FBN1: variants seen among roughly 807,000 people sequenced by gnomAD.
FBN1 encodes the protein fibrillin-1.
Under a neutral mutation model 365.1 loss-of-function variants are expected in FBN1, and 29 were observed. The observed-to-expected ratio is 0.08, with a 90% CI of 0.06 to 0.11. FBN1 has a LOEUF of 0.11. FBN1 is among the 10% of genes least tolerant of loss of function. FBN1 has a pLI of 1.00. For synonymous variants in FBN1, 1,210 were observed against 1,270.5 expected (o/e 0.95, Z 1.01); for missense variants, 2,476 against 3,703.2 (o/e 0.67, Z 8.60).
intron 43 of FBN1, among the ~76,000 whole-genome samples, 196 bp from the exon 44 acceptor site, chr15:48,456,958 G>A (rs1208277610): frequency 6.6e-6 from 1 of 151,982 alleles, no homozygotes; most frequent in Non-Finnish European, 1.5e-5. Flanking sequence ...CCAGACATGA[G>A]TCTAACTGGA....
intron 45 of FBN1, 140 bp from the exon 46 acceptor site, chr15:48,449,033 T>A: frequency 1.4e-6 from 1 of 736,252 alleles, no homozygotes; most frequent in Non-Finnish European, 2.3e-6. Context: ...TGCATCAAAA[T>A]GGATTAAAAC....
At chr15:48,585,419 G>A (rs545810911) in intron 6 of FBN1, among the ~76,000 whole-genome samples, 6 of 152,026 alleles carry the variant, frequency 3.9e-5, no homozygotes, top group African/African-American at 7.2e-5. Flanking sequence ...TTTTTCATGC[G>A]TTCACTTCCT....
chr15:48,582,415 T>C (rs2140688984), intron 6 of FBN1, among the ~76,000 whole-genome samples: 1 of 152,322 alleles, frequency 6.6e-6, no homozygotes, highest in South Asian at 2.1e-4. Context: ...ATATTTGCTG[T>C]TTAATTTTCA....
intron 6 of FBN1, among the ~76,000 whole-genome samples, chr15:48,580,386 C>T (rs1265850356): frequency 6.6e-6 from 1 of 152,146 alleles, no homozygotes; most frequent in Non-Finnish European, 1.5e-5. Context: ...TCCACCTCTC[C>T]TTAGAAACTC....
At chr15:48,532,294 G>C (rs1209539370) in intron 8 of FBN1, among the ~76,000 whole-genome samples, 2 of 152,182 alleles carry the variant, frequency 1.3e-5, no homozygotes, top group Non-Finnish European at 2.9e-5. Context: ...TCTTGAAGCT[G>C]ATTATATATT....
At chr15:48,593,124 T>C (rs774072468) in intron 6 of FBN1, among the ~76,000 whole-genome samples, 1 of 152,222 alleles carries the variant, frequency 6.6e-6, no homozygotes, top group Admixed American at 6.5e-5. Flanking sequence ...GCATGAGATC[T>C]GCTGCTTCTC....
At chr15:48,586,582 G>A (rs1244593390) in intron 6 of FBN1, among the ~76,000 whole-genome samples, 1 of 152,170 alleles carries the variant, frequency 6.6e-6, no homozygotes, top group Non-Finnish European at 1.5e-5. Context: ...GGTATTTAAT[G>A]GGATAGTCCA....
At chr15:48,513,406 T>C (rs576903443) in intron 13 of FBN1, 143 bp downstream of exon 13, 4 of 1,072,240 alleles carry the variant, frequency 3.7e-6, no homozygotes, top group African/African-American at 3.1e-5. Context: ...AGAATGACAA[T>C]AGGTGGAACT....
At chr15:48,462,979 T>A in intron 42 of FBN1, 103 bp downstream of exon 42, 1 of 1,189,582 alleles carries the variant, frequency 8.4e-7, no homozygotes, top group East Asian at 2.3e-5. Flanking sequence ...CCTGTAAAGA[T>A]AAACAATGCA....
intron 6 of FBN1, among the ~76,000 whole-genome samples, chr15:48,572,501 A>C (rs2044313982): frequency 1.3e-5 from 2 of 151,946 alleles, no homozygotes; most frequent in South Asian, 4.1e-4. Flanking sequence ...TTAAGAAATA[A>C]GCAACAATTT....
chr15:48,571,509 T>C (rs193099245), intron 6 of FBN1, among the ~76,000 whole-genome samples: 2 of 152,150 alleles, frequency 1.3e-5, no homozygotes, highest in South Asian at 2.1e-4. Context: ...TGTACACTAA[T>C]ACAAATTTAA....
chr15:48,466,991 T>C (rs1173427328), intron 38 of FBN1, among the ~76,000 whole-genome samples: 1 of 152,112 alleles, frequency 6.6e-6, no homozygotes, highest in African/African-American at 2.4e-5. Flanking sequence ...ACCCCTGTGC[T>C]GGGTGCTCTG....
At chr15:48,614,023 A>G (rs1304995305) in intron 2 of FBN1, among the ~76,000 whole-genome samples, 1 of 152,212 alleles carries the variant, frequency 6.6e-6, no homozygotes, top group Non-Finnish European at 1.5e-5. Flanking sequence ...ACAGTTCATC[A>G]CATGTCTTGG....
chr15:48,521,755 G>A (rs1279680103), intron 9 of FBN1, among the ~76,000 whole-genome samples: 1 of 152,226 alleles, frequency 6.6e-6, no homozygotes, highest in Non-Finnish European at 1.5e-5. Context: ...GACATGTGCT[G>A]AGGGTGTACC....
Position 48,505,026 on chromosome 15 carries a change from A to G in FBN1, c.1959T>C (p.Val653=). 6.2e-7 allele frequency: 1 copy of G among 1,614,118 alleles called. No homozygotes were observed. The highest frequency in any genetic ancestry group is 8.5e-7 in the Non-Finnish European group (1 of 1,179,998). Residue 653 remains valine, a splice_region_variant and synonymous_variant, in exon 16 of 66, where the codon GTT becomes GTC. Coordinates refer to ENST00000316623, the MANE Select transcript of FBN1 (RefSeq NM_000138.5). ...LAVGLDGRVC[V]DTHMRSTCYG... ...AGGTTAGCCATGATGTTTTCTTACC[A>G]ACACACACACGGCCATCCAGACCCA...
At chr15:48,428,046 C>A in intron 57 of FBN1, 1 of 660,574 alleles carries the variant, frequency 1.5e-6, no homozygotes, top group South Asian at 1.6e-5. Context: ...AATAGCCATG[C>A]TTACAGACAG....
At chr15:48,503,992 C>T (rs1180496999) in intron 16 of FBN1, 53 bp from the exon 17 acceptor site, 2 of 1,606,438 alleles carry the variant, frequency 1.2e-6, no homozygotes, top group Non-Finnish European at 1.7e-6. Flanking sequence ...CAGATGAGAA[C>T]CCCCCAAGTC....
At position 48,644,691 on chromosome 15, in the gene FBN1, C is replaced by T. The variant is rs25397; in HGVS notation, c.79G>A (p.Ala27Thr). ...LASYTSHGADANLEAGNVKET... is the reference protein window; with the variant it reads ...LASYTSHGADTNLEAGNVKET... ...TTCACGTTCCCAGCCTCCAAATTGG[C>T]GTCCGCCCCATGGCTCGTGTAGGAC... Residue 27 changes from alanine (A) to threonine (T), a missense_variant, in exon 2 of 66, where the codon GCC becomes ACC. Physicochemically the swap from Ala to Thr is moderately conservative, Grantham distance 58. This residue lies in a region of FBN1 where 76 missense variants were observed against 85.4 expected (regional missense o/e 0.89). Coordinates refer to ENST00000316623, the MANE Select transcript of FBN1 (RefSeq NM_000138.5). 271 of 1,614,186 alleles carry T rather than the reference C, an allele frequency of 1.7e-4. 2 individuals carry two copies. The East Asian group carries it at 5.7e-3, about 34-fold the overall frequency.
At position 48,505,100 on chromosome 15, in the gene FBN1, C is replaced by G. The variant is rs140503215; in HGVS notation, c.1885G>C (p.Val629Leu). The stretch of plus-strand genomic sequence containing the variant: ...CATCTGTAGGAGCCATCAGTGTTGA[C>G]GCAACGCCCATTCATGCAGATCCCA... ...TPGICMNGRC[V>L]NTDGSYRCEC... Residue 629 changes from valine (V) to leucine (L), a missense_variant, in exon 16 of 66, where the codon GTC (valine) becomes CTC (leucine). This residue lies in a region of FBN1 where 1,780 missense variants were observed against 2,840.8 expected (regional missense o/e 0.63). Coordinates refer to ENST00000316623, the MANE Select transcript of FBN1 (RefSeq NM_000138.5). The G allele has an allele frequency of 6.2e-7, 1 of 1,614,146 alleles. No individual in the cohort carries two copies. The highest frequency in any genetic ancestry group is 8.5e-7 in the Non-Finnish European group (1 of 1,180,004).
Sources: allele counts gnomAD v4.1 joint callset (sites outside exome capture counted in the v4.1 genomes callset), GRCh38; gene constraint gnomAD v4.1.1; regional missense constraint gnomAD v4.1.1; transcripts MANE v1.5; gene names NCBI Gene and HGNC (gene_info 2026-07-23, HGNC 2026-07-21).